CRMP1: variants seen among roughly 807,000 people sequenced by gnomAD.
CRMP1 encodes dihydropyrimidinase-related protein 1.
A neutral mutation model predicts 68.3 loss-of-function variants in CRMP1; 19 were observed. That is an observed-to-expected ratio of 0.28 (90% CI 0.19 to 0.41). The LOEUF is 0.41. CRMP1 is among the 10% of genes least tolerant of loss of function. The pLI is 1.00. For synonymous variants in CRMP1, 439 were observed against 399.6 expected, an observed-to-expected ratio of 1.10 and a Z score of -1.18; for missense variants, 791 against 967.4, an observed-to-expected ratio of 0.82 and a Z score of 2.42.
At position 5,892,083 on chromosome 4, in the gene CRMP1, C is replaced by T. The variant is rs2152478322; in HGVS notation, c.381+506G>A. Among the ~76,000 whole-genome samples, 1 of 152,294 alleles carries T rather than the reference C, an allele frequency of 6.6e-6. No individual in the cohort carries two copies. The highest frequency in any genetic ancestry group is 2.4e-5 in the African/African-American group (1 of 41,564). Reference sequence around the variant, plus strand: ...GGAGCGCTCGGAAAAAAAGCTCCTTCCAGCTTTAAGCTGTGTGGCCGCAGG... The same window carrying T: ...GGAGCGCTCGGAAAAAAAGCTCCTTTCAGCTTTAAGCTGTGTGGCCGCAGG... On this transcript the variant is annotated intron_variant, in intron 1 of 13. Transcript: ENST00000324989. The surrounding 1 kb of genome is among the most constrained non-coding windows in gnomAD (Gnocchi z 8.6).
chr4:5,888,068 G>A lies in CRMP1; in HGVS notation c.381+4521C>T, dbSNP rs1577854927. Among the ~76,000 whole-genome samples the A allele has an allele frequency of 6.6e-6, 1 of 151,914 alleles. No homozygotes were observed. The highest frequency in any genetic ancestry group is 2.4e-5 in the African/African-American group (1 of 41,428). On this transcript the variant is annotated intron_variant, in intron 1 of 13. Coordinates refer to ENST00000324989, the MANE Select transcript of CRMP1 (RefSeq NM_001014809.3). The surrounding 1 kb of genome is among the most constrained non-coding windows in gnomAD (Gnocchi z 6.4). ...CCCCCATTGTCCCCAGAGGCTGGGG[G>A]AGGGGGCTGAAATCCCGAGACCGGC...
In CRMP1 at chr4:5,842,001, T is replaced by C. The variant is rs1363939000; in HGVS notation, c.1033-573A>G. Among the ~76,000 whole-genome samples, 1 of 152,136 alleles carries C rather than the reference T, an allele frequency of 6.6e-6. No individual in the cohort carries two copies. Among genetic ancestry groups the C allele is most frequent in the Non-Finnish European group, 1.5e-5 (1 of 68,028 alleles). The stretch of plus-strand genomic sequence containing the variant: ...TTTCAGACCAGACTGGCCACCATGG[T>C]GAAACCCAGTCTCTATTCACGAGGT... On this transcript the variant is annotated intron_variant, in intron 7 of 13. Transcript: ENST00000324989. This position sits in a 1 kb window ranked among gnomAD's most constrained non-coding sequence, Gnocchi z 4.5.
rs1711986512 is a variant in CRMP1 at position 5,843,924 on chromosome 4, C to G, written c.964-763G>C. ...GGCCTAGATTCAAATCCATCTGGTC[C>G]AAAGTTTCTTTGTCCCAGGAACACT... On this transcript the variant is annotated intron_variant, in intron 6 of 13. Coordinates refer to ENST00000324989, the MANE Select transcript of CRMP1 (RefSeq NM_001014809.3). The surrounding 1 kb of genome is among the most constrained non-coding windows in gnomAD (Gnocchi z 4.1). 6.6e-6 allele frequency among the ~76,000 whole-genome samples: 1 copy of G among 151,836 alleles called. No individual in the cohort carries two copies. The highest frequency in any genetic ancestry group is 1.5e-5 in the Non-Finnish European group (1 of 67,994).
intron 3 of CRMP1, 103 bp from the exon 4 acceptor site, chr4:5,856,410 C>CCAT (rs780084416): frequency 8.6e-6 from 9 of 1,040,958 alleles, no homozygotes; most frequent in Non-Finnish European, 1.1e-5. Context: ...ACCATCACCA[C>CCAT]CATCATCATC....
At chr4:5,869,361 T>C (rs2152470852) in intron 1 of CRMP1, among the ~76,000 whole-genome samples, 1 of 152,284 alleles carries the variant, frequency 6.6e-6, no homozygotes, top group South Asian at 2.1e-4. Flanking sequence ...GTGTCTGCCC[T>C]GAAGCCCATC....
Position 5,855,173 on chromosome 4 carries a change from C to A in CRMP1, c.820+970G>T, listed in dbSNP as rs1712952953. 6.6e-6 allele frequency among the ~76,000 whole-genome samples: 1 copy of A among 152,186 alleles called. No individual in the cohort carries two copies. Among genetic ancestry groups the A allele is most frequent in the Admixed American group, 6.5e-5 (1 of 15,280 alleles). ...ATCCAAATACACAGGGAATGGAAAG[C>A]AATAATCCTGCACATTTAGAGTAAA... On this transcript the variant is annotated intron_variant, in intron 4 of 13. Transcript: ENST00000324989. This position sits in a 1 kb window ranked among gnomAD's most constrained non-coding sequence, Gnocchi z 4.9.
Position 5,891,687 on chromosome 4 carries a change from C to T in CRMP1, c.381+902G>A, listed in dbSNP as rs76054122. 4.4e-4 allele frequency among the ~76,000 whole-genome samples: 67 copies of T among 152,302 alleles called. No homozygotes were observed. Among genetic ancestry groups the T allele is most frequent in the African/African-American group, 1.5e-3 (63 of 41,560 alleles). ...GAAAGCTCCCCAGCCCTCGGATGCT[C>T]CAACTTCCGTTTTTCTGGCACCTGA... On this transcript the variant is annotated intron_variant, in intron 1 of 13. Transcript: ENST00000324989. The surrounding 1 kb of genome is among the most constrained non-coding windows in gnomAD (Gnocchi z 5.2).
Position 5,861,291 on chromosome 4 carries a change from A to G in CRMP1, c.471-81T>C. The G allele has an allele frequency of 7.0e-7, 1 of 1,428,194 alleles. No homozygotes were observed. Among genetic ancestry groups the G allele is most frequent in the Non-Finnish European group, 9.6e-7 (1 of 1,041,810 alleles). 88.5% of individuals were successfully genotyped at this position (1,428,194 alleles called of 1,614,324 possible). A position where few individuals can be genotyped will look rare whatever the true frequency, so the allele number is the denominator to read the frequency against. On this transcript the variant is annotated intron_variant, in intron 2 of 13. Coordinates refer to ENST00000324989, the MANE Select transcript of CRMP1 (RefSeq NM_001014809.3). The surrounding 1 kb of genome is among the most constrained non-coding windows in gnomAD (Gnocchi z 6.0). ...GTCAACCCGCAGCTTCAGTTCCATG[A>G]AATAAACATTTCTGAGCCAGGCCCT...
intron 6 of CRMP1, among the ~76,000 whole-genome samples, chr4:5,848,320 T>C (rs1277849008): frequency 1.3e-5 from 2 of 152,178 alleles, no homozygotes; most frequent in African/African-American, 4.8e-5. Flanking sequence ...CCACCTGTAA[T>C]AGCTGGGATT....
At chr4:5,844,609 T>C (rs1331199132) in intron 6 of CRMP1, among the ~76,000 whole-genome samples, 3 of 152,002 alleles carry the variant, frequency 2.0e-5, no homozygotes, top group African/African-American at 7.3e-5. Flanking sequence ...AGGAACAAAA[T>C]GTTGAAAGCT....
rs537816464 is a variant in CRMP1, at chr4:5,843,448, G to C, written c.964-287C>G. On this transcript the variant is annotated intron_variant, in intron 6 of 13. Transcript: ENST00000324989. This position sits in a 1 kb window ranked among gnomAD's most constrained non-coding sequence, Gnocchi z 4.1. ...AGGGTTATAAGACACGAGCTTCCAA[G>C]GCCACCCACCACTCTCTGAATCTCG... Among the ~76,000 whole-genome samples the C allele has an allele frequency of 6.6e-6, 1 of 152,172 alleles. No homozygotes were observed. The highest frequency in any genetic ancestry group is 1.5e-5 in the Non-Finnish European group (1 of 67,992).
chr4:5,882,572 C>T (rs1421097361), intron 1 of CRMP1, among the ~76,000 whole-genome samples: 1 of 152,184 alleles, frequency 6.6e-6, no homozygotes, highest in Non-Finnish European at 1.5e-5. Context: ...GGGAAAAAAT[C>T]TTAGGAAATA....
chr4:5,875,686 G>C (rs1560517665), intron 1 of CRMP1, among the ~76,000 whole-genome samples: 1 of 152,044 alleles, frequency 6.6e-6, no homozygotes, highest in Non-Finnish European at 1.5e-5. Flanking sequence ...AAAGTTCCAG[G>C]TACTGTGGGT....
At chr4:5,857,433 T>C (rs1713224147) in intron 3 of CRMP1, among the ~76,000 whole-genome samples, 1 of 151,868 alleles carries the variant, frequency 6.6e-6, no homozygotes, top group African/African-American at 2.4e-5. Flanking sequence ...TCACTATCAT[T>C]AACCATAACC....
rs147803076 is a variant in CRMP1, at chr4:5,884,425, C to A, written c.381+8164G>T. 3.6e-3 allele frequency among the ~76,000 whole-genome samples: 552 copies of A among 151,918 alleles called. 6 individuals carry two copies. The highest frequency in any genetic ancestry group is 0.013 in the African/African-American group (531 of 41,404). On this transcript the variant is annotated intron_variant, in intron 1 of 13. Coordinates refer to ENST00000324989, the MANE Select transcript of CRMP1 (RefSeq NM_001014809.3). ...CCCACACACAAACACATTTACACACCACAGACATACACTTACATTTACATA... is the reference window on the plus strand; with the variant it reads ...CCCACACACAAACACATTTACACACAACAGACATACACTTACATTTACATA...
At position 5,873,322 on chromosome 4, in the gene CRMP1, G is replaced by A. The variant is rs574152919; in HGVS notation, c.382-6566C>T. Among the ~76,000 whole-genome samples the A allele has an allele frequency of 4.6e-5, 7 of 152,118 alleles. No individual in the cohort carries two copies. The South Asian group carries it at 1.2e-3, about 27-fold the overall frequency. ...AAGGCGAAAAGGGATCCTGAGAGAGGGAAGCACACGGTGTATTAGTCCATC... is the reference window on the plus strand; with the variant it reads ...AAGGCGAAAAGGGATCCTGAGAGAGAGAAGCACACGGTGTATTAGTCCATC... On this transcript the variant is annotated intron_variant, in intron 1 of 13. Transcript: ENST00000324989.
intron 1 of CRMP1, among the ~76,000 whole-genome samples, chr4:5,885,798 C>T (rs1328854670): frequency 2.0e-5 from 3 of 152,220 alleles, no homozygotes; most frequent in African/African-American, 7.2e-5. Context: ...CTCCTTCCCA[C>T]TCTTCCTGGC....
Position 5,870,749 on chromosome 4 carries a change from G to A in CRMP1, c.382-3993C>T, listed in dbSNP as rs1475283132. ...CTAGGCCCCACAACCTATCTGTACC[G>A]CTAAAAAAGATGTGTGCATCCCCAG... On this transcript the variant is annotated intron_variant, in intron 1 of 13. Coordinates refer to ENST00000324989, the MANE Select transcript of CRMP1 (RefSeq NM_001014809.3). This position sits in a 1 kb window ranked among gnomAD's most constrained non-coding sequence, Gnocchi z 6.0. Among the ~76,000 whole-genome samples the A allele has an allele frequency of 2.6e-5, 4 of 152,156 alleles. No individual in the cohort carries two copies. The highest frequency in any genetic ancestry group is 2.1e-4 in the South Asian group (1 of 4,830).
rs141887967 is a variant in CRMP1, at chr4:5,827,733, G to GCACACACACACACACACACACA, written c.1803+755_1803+756insTGTGTGTGTGTGTGTGTGTGTG. On this transcript the variant is annotated intron_variant, in intron 12 of 13. Coordinates refer to ENST00000324989, the MANE Select transcript of CRMP1 (RefSeq NM_001014809.3). ...CATAGACATACACACATGTGCGCGT[G>GCACACACACACACACACACACA]CACACACACACACACACACACGAAG... 1.2e-4 allele frequency among the ~76,000 whole-genome samples: 17 copies of GCACACACACACACACACACACA among 138,332 alleles called. No homozygotes were observed. The South Asian group carries it at 2.1e-3, about 17-fold the overall frequency. 90.8% of individuals were successfully genotyped at this position (138,332 alleles called of 152,430 possible). A position where few individuals can be genotyped will look rare whatever the true frequency, so the allele number is the denominator to read the frequency against.
Sources: gnomAD v4.1 joint callset for allele counts (sites outside exome capture counted in the v4.1 genomes callset) on GRCh38, gnomAD v4.1.1 for gene constraint, Gnocchi (gnomAD v3.1) non-coding constraint, MANE v1.5 for transcripts, NCBI Gene and HGNC (gene_info 2026-07-23, HGNC 2026-07-21) for gene names.